The following GABRA2 variants were observed in gnomAD, a reference collection of about 807,000 sequenced individuals.
GABRA2 encodes the protein gamma-aminobutyric acid receptor subunit alpha-2.
Under a neutral mutation model 48.7 loss-of-function variants are expected in GABRA2, and 16 were observed. The ratio of observed to expected loss-of-function variants is 0.33; its 90% CI spans 0.22 to 0.50. The LOEUF is 0.50. Ranked by LOEUF, GABRA2 falls within the 20% of genes least tolerant of loss-of-function variation. The pLI, the probability that GABRA2 is intolerant of heterozygous loss-of-function variation, is 0.98. For synonymous variants in GABRA2, 185 were observed against 184.5 expected (o/e 1.00, Z -0.02); for missense variants, 275 against 535.6 (o/e 0.51, Z 4.80).
Position 46,245,812 on chromosome 4 carries a change from C to T in GABRA2, c.*4496G>A, listed in dbSNP as rs16859222. On this transcript the variant is annotated 3_prime_UTR_variant, in exon 10 of 10. Coordinates refer to ENST00000381620, the MANE Select transcript of GABRA2 (RefSeq NM_000807.4). ...ACATAAACCTGTAAATTGTTCTTTA[C>T]TATTGGCAATATTAGGTAATGTTAT... Among the ~76,000 whole-genome samples the T allele has an allele frequency of 0.019, 2,880 of 151,192 alleles. 96 individuals are homozygous for T. The highest frequency in any genetic ancestry group is 0.066 in the African/African-American group (2,753 of 41,414).
intron 8 of GABRA2, chr4:46,303,255 T>C: frequency 7.5e-6 from 4 of 533,628 alleles, no homozygotes; most frequent in Non-Finnish European, 6.6e-6. Flanking sequence ...TAAGAATATT[T>C]GAGTACTTTT....
chr4:46,324,353 A>G (rs1729961278), intron 4 of GABRA2, among the ~76,000 whole-genome samples: 2 of 151,924 alleles, frequency 1.3e-5, no homozygotes, highest in Non-Finnish European at 2.9e-5. Flanking sequence ...TCTGTCAACT[A>G]TCTACATGTA....
chr4:46,261,834 T>C, intron 9 of GABRA2, 92 bp downstream of exon 9: 1 of 986,530 alleles, frequency 1.0e-6, no homozygotes, highest in Non-Finnish European at 1.6e-6. Context: ...TATATGGATG[T>C]CTTTAATGTC....
chr4:46,376,689 C>G (rs1715747037), intron 3 of GABRA2, among the ~76,000 whole-genome samples: 1 of 151,988 alleles, frequency 6.6e-6, no homozygotes, highest in Admixed American at 6.6e-5. Flanking sequence ...GAGTTCAAGA[C>G]CAGACATAGT....
intron 3 of GABRA2, among the ~76,000 whole-genome samples, chr4:46,385,562 A>C (rs1717335272): frequency 1.3e-5 from 2 of 152,226 alleles, no homozygotes; most frequent in African/African-American, 4.8e-5. Context: ...TTCAAGAATA[A>C]CAAAGTTGTG....
chr4:46,283,645 T>A (rs545787133), intron 8 of GABRA2, among the ~76,000 whole-genome samples: 89 of 152,370 alleles, frequency 5.8e-4, no homozygotes, highest in African/African-American at 2.0e-3. Context: ...AAGTAGCTAA[T>A]GTCTTCAAAT....
chr4:46,345,470 T>C (rs1023463735), intron 3 of GABRA2, among the ~76,000 whole-genome samples: 14 of 152,008 alleles, frequency 9.2e-5, no homozygotes, highest in Non-Finnish European at 1.8e-4. Context: ...ACAGAGTTTA[T>C]GTTCCTGAGA....
chr4:46,306,456 A>G (rs76340268), intron 6 of GABRA2, among the ~76,000 whole-genome samples: 3,523 of 152,318 alleles, frequency 0.023, 138 homozygotes, highest in African/African-American at 0.08. Flanking sequence ...GATGGCATGC[A>G]GGCAACATAT....
chr4:46,303,748 T>C, intron 7 of GABRA2, 136 bp from the exon 8 acceptor site: 1 of 738,192 alleles, frequency 1.4e-6, no homozygotes, highest in Non-Finnish European at 2.2e-6. Flanking sequence ...GAAATTTATA[T>C]CACTTTTAAA....
chr4:46,331,410 C>T (rs1234582170), intron 4 of GABRA2, among the ~76,000 whole-genome samples: 1 of 152,086 alleles, frequency 6.6e-6, no homozygotes, highest in Admixed American at 6.6e-5. Context: ...AATTTAGGTT[C>T]TCTAACGGAA....
chr4:46,379,683 G>C (rs554036080), intron 3 of GABRA2, among the ~76,000 whole-genome samples: 1 of 152,282 alleles, frequency 6.6e-6, no homozygotes, highest in East Asian at 1.9e-4. Context: ...CTGAAAGGCA[G>C]AGAGACTAGA....
At chr4:46,325,603 GT>G (rs1333098661) in intron 4 of GABRA2, among the ~76,000 whole-genome samples, 1 of 151,890 alleles carries the variant, frequency 6.6e-6, no homozygotes, top group Non-Finnish European at 1.5e-5. Flanking sequence ...GTCTATTTTT[GT>G]TTTTGTTATA....
intron 3 of GABRA2, among the ~76,000 whole-genome samples, chr4:46,358,348 C>T (rs902521572): frequency 1.3e-5 from 2 of 152,138 alleles, no homozygotes; most frequent in Non-Finnish European, 2.9e-5. Context: ...ATTTAACCTG[C>T]TATACTGTGT....
intron 8 of GABRA2, among the ~76,000 whole-genome samples, chr4:46,281,424 G>C (rs189887766): frequency 6.6e-6 from 1 of 152,132 alleles, no homozygotes; most frequent in Non-Finnish European, 1.5e-5. Flanking sequence ...AGGGGCTCTG[G>C]GAAAAGATAG....
At chr4:46,286,899 CT>C (rs760136290) in intron 8 of GABRA2, among the ~76,000 whole-genome samples, 1 of 152,024 alleles carries the variant, frequency 6.6e-6, no homozygotes, top group Non-Finnish European at 1.5e-5. Flanking sequence ...TGTAAGGTGT[CT>C]TTTTACATAC....
At chr4:46,360,404 T>A (rs560650867) in intron 3 of GABRA2, among the ~76,000 whole-genome samples, 18 of 152,304 alleles carry the variant, frequency 1.2e-4, no homozygotes, top group Middle Eastern at 3.4e-3. Context: ...CTGACGGTTT[T>A]AAAAACAGGA....
Position 46,389,802 on chromosome 4 carries a change from G to GGAGGGA in GABRA2, c.-79_-78insTCCCTC. 2 of 268,270 alleles carry GGAGGGA rather than the reference G, an allele frequency of 7.5e-6. 1 individual carries two copies. The highest frequency in any genetic ancestry group is 3.4e-4 in the South Asian group (2 of 5,860). 16.6% of individuals were successfully genotyped at this position (268,270 alleles called of 1,614,324 possible). On this transcript the variant is annotated 5_prime_UTR_variant, in exon 1 of 10. Coordinates refer to ENST00000381620, the MANE Select transcript of GABRA2 (RefSeq NM_000807.4). Reference sequence around the variant, plus strand: ...TGATCTTGACGAGATAGGAAACTTGGGAGAGAGAGAGAGAGAGAGAGAGAG... The same window carrying GGAGGGA: ...TGATCTTGACGAGATAGGAAACTTGGGAGGGAGAGAGAGAGAGAGAGAGAGAGAGAG...
chr4:46,291,454 G>C (rs1723604368), intron 8 of GABRA2, among the ~76,000 whole-genome samples: 1 of 152,094 alleles, frequency 6.6e-6, no homozygotes, highest in Non-Finnish European at 1.5e-5. Context: ...CGTCTGTGAG[G>C]GTGTTGCCAA....
rs28507022 is a variant in GABRA2, at chr4:46,340,310, T to C, written c.188-7628A>G. On this transcript the variant is annotated intron_variant, in intron 3 of 9. Transcript: ENST00000381620. ...GGTATCATCACAAAGTTATACCACA[T>C]TACTCTCTAAACTTGAAACATTTTT... 2.5e-3 allele frequency among the ~76,000 whole-genome samples: 379 copies of C among 152,032 alleles called. 2 individuals carry two copies. Among genetic ancestry groups the C allele is most frequent in the African/African-American group, 8.7e-3 (361 of 41,548 alleles).
Sources: allele counts gnomAD v4.1 joint callset (sites outside exome capture counted in the v4.1 genomes callset), GRCh38; gene constraint gnomAD v4.1.1; transcripts MANE v1.5; gene names NCBI Gene and HGNC (gene_info 2026-07-23, HGNC 2026-07-21).